The following STK26 variants were observed in gnomAD, a reference collection of about 807,000 sequenced individuals.
STK26 encodes the protein serine/threonine-protein kinase 26.
Under a neutral mutation model 34.7 loss-of-function variants are expected in STK26, and 14 were observed. That is an observed-to-expected ratio of 0.40 (90% CI 0.27 to 0.63). The LOEUF (loss-of-function observed/expected upper bound fraction) is 0.63. Ranked by LOEUF, STK26 falls within the 30% of genes least tolerant of loss-of-function variation. The pLI, the probability that STK26 is intolerant of heterozygous loss-of-function variation, is 0.38. For synonymous variants in STK26, 100 were observed against 109.8 expected (o/e 0.91, Z 0.56); for missense variants, 226 against 309.1 (o/e 0.73, Z 2.02).
chrX:132,054,520 A>T, intron 2 of STK26, 111 bp from the exon 3 acceptor site: 1 of 667,030 alleles, frequency 1.5e-6, no homozygotes, highest in East Asian at 3.5e-5. Flanking sequence ...AGGAGTTTGT[A>T]TGCTTTTACA....
chrX:132,040,511 T>G (rs1926225033), intron 2 of STK26, among the ~76,000 whole-genome samples: 1 of 112,180 alleles, frequency 8.9e-6, no homozygotes, highest in Non-Finnish European at 1.9e-5. Flanking sequence ...AATGATAAAT[T>G]ACATTTATAT....
chrX:132,030,722 A>G (rs1355383360), intron 2 of STK26, among the ~76,000 whole-genome samples: 2 of 110,548 alleles, frequency 1.8e-5, no homozygotes, highest in African/African-American at 3.3e-5. Flanking sequence ...TAATAGTATT[A>G]TTAGCTATAG....
chrX:132,044,627 TTC>T (rs202173059), intron 2 of STK26, among the ~76,000 whole-genome samples: 2,371 of 43,054 alleles, frequency 0.055, 181 homozygotes, highest in Non-Finnish European at 0.077. Flanking sequence ...GATGTTCAAA[TTC>T]TCTCTCTCTC....
intron 2 of STK26, among the ~76,000 whole-genome samples, chrX:132,032,611 C>T (rs1925884298): frequency 9.0e-6 from 1 of 111,611 alleles, no homozygotes; most frequent in Non-Finnish European, 1.9e-5. Context: ...ACAAGTACAA[C>T]CCTATTAACT....
At chrX:132,042,430 T>C (rs955854155) in intron 2 of STK26, among the ~76,000 whole-genome samples, 1 of 111,171 alleles carries the variant, frequency 9.0e-6, no homozygotes, top group Non-Finnish European at 1.9e-5. Context: ...ATATATTAAC[T>C]GTATCGTGGT....
At chrX:132,049,282 C>T (rs1028111636) in intron 2 of STK26, among the ~76,000 whole-genome samples, 11 of 112,219 alleles carry the variant, frequency 9.8e-5, no homozygotes, top group African/African-American at 3.6e-4. Context: ...CCAACTGCAC[C>T]TGGCCTAAAT....
intron 2 of STK26, among the ~76,000 whole-genome samples, chrX:132,048,634 A>T (rs1926581055): frequency 8.9e-6 from 1 of 112,122 alleles, no homozygotes; most frequent in Admixed American, 9.5e-5. Context: ...CTCAAAGATT[A>T]TCTAATTCTT....
intron 2 of STK26, among the ~76,000 whole-genome samples, chrX:132,048,084 G>T (rs1040406560): frequency 5.4e-5 from 6 of 111,404 alleles, no homozygotes; most frequent in African/African-American, 2.0e-4. Flanking sequence ...TTGTATTCTT[G>T]AAAAATACTA....
At chrX:132,029,927 A>G in intron 2 of STK26, among the ~76,000 whole-genome samples, 1 of 111,771 alleles carries the variant, frequency 8.9e-6, no homozygotes, top group Non-Finnish European at 1.9e-5. Flanking sequence ...CATTTCTTGA[A>G]GGTGGGGACC....
intron 2 of STK26, among the ~76,000 whole-genome samples, chrX:132,031,641 C>T (rs750081302): frequency 3.0e-4 from 34 of 112,222 alleles, no homozygotes; most frequent in Non-Finnish European, 5.3e-4. Context: ...TCCCTTTTTA[C>T]AGCTGAATAG....
chrX:132,071,234 T>A lies in STK26; in HGVS notation c.932+17T>A. The A allele has an allele frequency of 8.3e-7, 1 of 1,199,158 alleles. No individual in the cohort carries two copies. Among genetic ancestry groups the A allele is most frequent in the Non-Finnish European group, 1.1e-6 (1 of 887,356 alleles). On this transcript the variant is annotated intron_variant, in intron 8 of 11. Transcript: ENST00000394334. ...CTCTGATTCGTATGTACAAATTATTTAATTTTTATGTAGGCAGCCTATTTA... is the reference window on the plus strand; with the variant it reads ...CTCTGATTCGTATGTACAAATTATTAAATTTTTATGTAGGCAGCCTATTTA...
chrX:132,051,743 C>G (rs1004021892), intron 2 of STK26, among the ~76,000 whole-genome samples: 3 of 110,309 alleles, frequency 2.7e-5, no homozygotes, highest in Non-Finnish European at 3.8e-5. Context: ...ACTATCCCCC[C>G]CAAGCCCCCA....
At chrX:132,067,991 A>C (rs932991182) in intron 4 of STK26, among the ~76,000 whole-genome samples, 3 of 111,610 alleles carry the variant, frequency 2.7e-5, no homozygotes, top group African/African-American at 6.5e-5. Flanking sequence ...ATTATCTTTC[A>C]TTAAATTGAA....
chrX:132,026,362 A>G (rs1935100139), intron 2 of STK26, among the ~76,000 whole-genome samples: 1 of 112,206 alleles, frequency 8.9e-6, no homozygotes, highest in South Asian at 3.7e-4. Context: ...TGTGGTAACG[A>G]ACATTTTTTG....
intron 2 of STK26, among the ~76,000 whole-genome samples, chrX:132,049,253 C>T (rs1490014969): frequency 8.9e-6 from 1 of 112,210 alleles, no homozygotes; most frequent in African/African-American, 3.2e-5. Flanking sequence ...TCCCAAAGTG[C>T]TGGGATTATA....
intron 2 of STK26, among the ~76,000 whole-genome samples, chrX:132,028,545 G>A (rs1925697917): frequency 1.8e-5 from 2 of 111,645 alleles, no homozygotes; most frequent in African/African-American, 3.3e-5. Flanking sequence ...CTCTATGCCG[G>A]GCACTTCACT....
chrX:132,073,429 A>C (rs1357702453), intron 11 of STK26, among the ~76,000 whole-genome samples: 2 of 111,418 alleles, frequency 1.8e-5, no homozygotes, highest in African/African-American at 6.5e-5. Context: ...CTTTCTTGCC[A>C]CTACCCTCAG....
chrX:132,057,435 G>C (rs1287101325), intron 3 of STK26, among the ~76,000 whole-genome samples: 1 of 111,431 alleles, frequency 9.0e-6, no homozygotes, highest in Non-Finnish European at 1.9e-5. Context: ...GATCTCCTCA[G>C]TGATCCTTCC....
intron 2 of STK26, among the ~76,000 whole-genome samples, chrX:132,036,468 G>A (rs866899472): frequency 7.2e-5 from 8 of 111,379 alleles, no homozygotes; most frequent in Admixed American, 2.9e-4. Flanking sequence ...ATTGGTGCAC[G>A]CCTATAATCC....
Sources: allele counts gnomAD v4.1 joint callset (sites outside exome capture counted in the v4.1 genomes callset), GRCh38; gene constraint gnomAD v4.1.1; transcripts MANE v1.5; gene names NCBI Gene and HGNC (gene_info 2026-07-23, HGNC 2026-07-21).